MICAL2: variants seen among roughly 807,000 people sequenced by gnomAD.
The protein encoded by MICAL2 is microtubule associated monooxygenase, calponin and LIM domain containing 2.
A neutral mutation model predicts 127.3 loss-of-function variants in MICAL2; 77 were observed. That is an observed-to-expected ratio of 0.60 (90% CI 0.50 to 0.73). The LOEUF (loss-of-function observed/expected upper bound fraction) is 0.73, where lower values mean the gene tolerates loss of function less well. Among genes scored for constraint, MICAL2 ranks in the 30% least tolerant of loss-of-function variants. MICAL2 has a pLI of 0.00. For synonymous variants in MICAL2, 570 were observed against 551.1 expected, an observed-to-expected ratio of 1.03 and a Z score of -0.48; for missense variants, 1,351 against 1,434.4, an observed-to-expected ratio of 0.94 and a Z score of 0.94.
At position 12,329,809 on chromosome 11, in the gene MICAL2, T is replaced by G. The variant is rs183750333; in HGVS notation, c.5515+2543T>G. Among the ~76,000 whole-genome samples the G allele has an allele frequency of 9.4e-3, 1,232 of 131,500 alleles. 10 individuals are homozygous for G. The highest frequency in any genetic ancestry group is 0.013 in the Non-Finnish European group (851 of 63,212). 86.3% of individuals were successfully genotyped at this position (131,500 alleles called of 152,430 possible). A position where few individuals can be genotyped will look rare whatever the true frequency, so the allele number is the denominator to read the frequency against. On this transcript the variant is annotated intron_variant, in intron 32 of 34. Transcript: ENST00000646065. ...TTTTTACTGCTTGAAATTTAAATGA[T>G]AGAAACCAAAATTGTAAAGCATCTT...
chr11:12,161,899 C>G (rs1013833369), intron 2 of MICAL2, 180 bp from the exon 3 acceptor site: 26 of 524,488 alleles, frequency 5.0e-5, no homozygotes, highest in Non-Finnish European at 7.5e-5. Flanking sequence ...AATGCCACAT[C>G]GACAGGCCAA....
chr11:12,350,088 C>T, intron 33 of MICAL2: 3 of 617,950 alleles, frequency 4.9e-6, no homozygotes. Context: ...TCTTGCATAT[C>T]ATGCTGGCAT....
At chr11:12,336,438 C>T (rs1195310873) in intron 32 of MICAL2, among the ~76,000 whole-genome samples, 1 of 152,124 alleles carries the variant, frequency 6.6e-6, no homozygotes, top group Non-Finnish European at 1.5e-5. Flanking sequence ...ATTGAATGCC[C>T]TTTATTTCCT....
Position 12,255,636 on chromosome 11 carries a change from T to C in MICAL2, c.2848-7T>C, listed in dbSNP as rs1862226265. 6.2e-7 allele frequency: 1 copy of C among 1,613,704 alleles called. No individual in the cohort carries two copies. Among genetic ancestry groups the C allele is most frequent in the Non-Finnish European group, 8.5e-7 (1 of 1,179,838 alleles). ...TCTCTGTCTCCTCTGCCTCTGCTCT[T>C]GGTTAGCTGACGGTAGGGAAAGTGT... On this transcript the variant is annotated splice_polypyrimidine_tract_variant and splice_region_variant and intron_variant, in intron 22 of 27. Coordinates refer to ENST00000683283, the MANE Select transcript of MICAL2 (RefSeq NM_001282663.2).
chr11:12,273,968 G>T (rs912835461), upstream of MICAL2, among the ~76,000 whole-genome samples: 1 of 152,128 alleles, frequency 6.6e-6, no homozygotes, highest in African/African-American at 2.4e-5. Context: ...AGAGAGAGAA[G>T]AGTGTAGCCA....
chr11:12,257,577 G>T (rs1366863164), intron 24 of MICAL2, among the ~76,000 whole-genome samples: 1 of 152,146 alleles, frequency 6.6e-6, no homozygotes, highest in Non-Finnish European at 1.5e-5. Context: ...AACTGCCTGG[G>T]TTCCACTCCA....
intron 1 of MICAL2, among the ~76,000 whole-genome samples, chr11:12,137,928 G>A (rs1851979566): frequency 6.6e-6 from 1 of 152,178 alleles, no homozygotes; most frequent in Non-Finnish European, 1.5e-5. Context: ...TGATCAGCTG[G>A]TGCACTTTCA....
chr11:12,256,360 C>A, intron 23 of MICAL2: 1 of 163,626 alleles, frequency 6.1e-6, no homozygotes, highest in Non-Finnish European at 1.3e-5. Context: ...AACAGGACAC[C>A]TAAAACATCC....
At chr11:12,249,021 G>A (rs1020620765) in intron 21 of MICAL2, among the ~76,000 whole-genome samples, 163 bp from the exon 22 acceptor site, 2 of 152,188 alleles carry the variant, frequency 1.3e-5, no homozygotes, top group African/African-American at 2.4e-5. Flanking sequence ...CTATAAAGTG[G>A]AGAGGACAGC....
At chr11:12,224,153 C>G (rs1157682633) in intron 12 of MICAL2, among the ~76,000 whole-genome samples, 1 of 152,188 alleles carries the variant, frequency 6.6e-6, no homozygotes, top group Non-Finnish European at 1.5e-5. Context: ...GCAGGTTTTT[C>G]TAGATTCTTA....
chr11:12,185,132 G>GAT, intron 3 of MICAL2, among the ~76,000 whole-genome samples: 1 of 75,804 alleles, frequency 1.3e-5, no homozygotes, highest in Non-Finnish European at 2.7e-5. Context: ...TGGGTGGGTG[G>GAT]GTGGGGGGAT....
At chr11:12,190,650 G>C (rs1469223816) in intron 3 of MICAL2, among the ~76,000 whole-genome samples, 1 of 152,200 alleles carries the variant, frequency 6.6e-6, no homozygotes, top group Non-Finnish European at 1.5e-5. Context: ...TCACATCACT[G>C]CCTGTCAGCA....
At chr11:12,167,768 GC>G (rs1207016844) in intron 3 of MICAL2, among the ~76,000 whole-genome samples, 4 of 152,176 alleles carry the variant, frequency 2.6e-5, no homozygotes. Flanking sequence ...AGCCTGGATT[GC>G]CAGTCGGGTT....
At chr11:12,198,745 G>A (rs1334861414) in intron 3 of MICAL2, among the ~76,000 whole-genome samples, 4 of 152,214 alleles carry the variant, frequency 2.6e-5, no homozygotes, top group South Asian at 4.1e-4. Flanking sequence ...TGCTGCCAGG[G>A]CCACCCTCAC....
At chr11:12,245,027 G>C (rs2134512338) in intron 21 of MICAL2, among the ~76,000 whole-genome samples, 1 of 152,332 alleles carries the variant, frequency 6.6e-6, no homozygotes, top group Non-Finnish European at 1.5e-5. Flanking sequence ...CAATGATTAA[G>C]ACTGGGTTTA....
intron 29 of MICAL2, among the ~76,000 whole-genome samples, chr11:12,317,785 C>A (rs1864247318): frequency 1.6e-5 from 2 of 128,666 alleles, no homozygotes; most frequent in African/African-American, 2.5e-5. Context: ...GAGCAAGACT[C>A]CGTCTCAAAA....
intron 29 of MICAL2, among the ~76,000 whole-genome samples, chr11:12,303,157 G>T (rs1302384815): frequency 6.6e-6 from 1 of 152,194 alleles, no homozygotes; most frequent in African/African-American, 2.4e-5. Context: ...TCCCACCCTT[G>T]ATACATGGGG....
At chr11:12,306,210 GC>G (rs2134814321) in intron 29 of MICAL2, among the ~76,000 whole-genome samples, 1 of 152,182 alleles carries the variant, frequency 6.6e-6, no homozygotes, top group East Asian at 1.9e-4. Flanking sequence ...ATCCCACATG[GC>G]TACCATCTAC....
At chr11:12,342,424 T>C (rs183613269) in intron 32 of MICAL2, among the ~76,000 whole-genome samples, 251 of 152,354 alleles carry the variant, frequency 1.6e-3, no homozygotes, top group African/African-American at 5.8e-3. Context: ...TTATTATTTA[T>C]GAGTTTTTGT....
Sources: gnomAD v4.1 joint callset for allele counts (sites outside exome capture counted in the v4.1 genomes callset) on GRCh38, gnomAD v4.1.1 for gene constraint, MANE v1.5 for transcripts, NCBI Gene and HGNC (gene_info 2026-07-23, HGNC 2026-07-21) for gene names.